The following EBF1 variants were observed in gnomAD, a reference collection of about 807,000 sequenced individuals.
The protein encoded by EBF1 is EBF transcription factor 1.
Under a neutral mutation model 68.4 loss-of-function variants are expected in EBF1, and 10 were observed. That is an observed-to-expected ratio of 0.15 (90% CI 0.09 to 0.25). The LOEUF is 0.25. Ranked by LOEUF, EBF1 falls within the 10% of genes least tolerant of loss-of-function variation. The pLI is 1.00. For missense variants in EBF1, 509 were observed against 794.4 expected (o/e 0.64, Z 4.32); for synonymous variants, 298 against 299.8 (o/e 0.99, Z 0.06).
intron 8 of EBF1, among the ~76,000 whole-genome samples, chr5:158,811,877 T>C (rs990056197): frequency 1.3e-5 from 2 of 152,300 alleles, no homozygotes; most frequent in African/African-American, 4.8e-5. Context: ...TATCCCCACG[T>C]GGAATTTTGA....
intron 8 of EBF1, among the ~76,000 whole-genome samples, chr5:158,805,207 CTTCTTCAAGGACTA>C (rs1268039016): frequency 1.3e-5 from 2 of 152,148 alleles, no homozygotes; most frequent in Admixed American, 1.3e-4. Flanking sequence ...TATGCAACTG[CTTCTTCAAGGACTA>C]TTTAAGTCTT....
chr5:158,787,369 A>T (rs968024281), intron 9 of EBF1, among the ~76,000 whole-genome samples: 3 of 152,148 alleles, frequency 2.0e-5, no homozygotes, highest in Non-Finnish European at 4.4e-5. Context: ...TCCACACATG[A>T]TCTTCCTCTA....
At chr5:158,779,200 T>C (rs1775914969) in intron 9 of EBF1, among the ~76,000 whole-genome samples, 1 of 152,150 alleles carries the variant, frequency 6.6e-6, no homozygotes, top group Non-Finnish European at 1.5e-5. Context: ...ATACAAACAC[T>C]AATTTGGTCA....
intron 15 of EBF1, among the ~76,000 whole-genome samples, chr5:158,700,780 C>T (rs750347605): frequency 1.6e-4 from 24 of 152,208 alleles, no homozygotes; most frequent in Non-Finnish European, 2.9e-4. Context: ...TGTTGTTTTG[C>T]AAGAGCCTTT....
intron 8 of EBF1, among the ~76,000 whole-genome samples, chr5:158,810,336 G>A (rs1019590785): frequency 2.0e-5 from 3 of 152,138 alleles, no homozygotes; most frequent in Admixed American, 6.6e-5. Context: ...GTTCAAAAGA[G>A]AAACAGATAA....
chr5:159,052,448 G>A (rs751685828), intron 6 of EBF1, among the ~76,000 whole-genome samples: 7 of 151,936 alleles, frequency 4.6e-5, no homozygotes, highest in Non-Finnish European at 8.8e-5. Flanking sequence ...CTACCTCCCC[G>A]AAGTCTGCTC....
At chr5:159,035,975 C>G (rs1053389527) in intron 6 of EBF1, among the ~76,000 whole-genome samples, 3 of 152,180 alleles carry the variant, frequency 2.0e-5, no homozygotes, top group African/African-American at 7.2e-5. Flanking sequence ...TTCCTGACCC[C>G]CAGTGGTGGG....
At chr5:158,763,617 G>A (rs1171131133) in intron 10 of EBF1, among the ~76,000 whole-genome samples, 1 of 152,150 alleles carries the variant, frequency 6.6e-6, no homozygotes, top group Non-Finnish European at 1.5e-5. Context: ...AAGGAATTAA[G>A]CGTCTATACC....
At chr5:158,794,739 A>G (rs1779313542) in intron 9 of EBF1, among the ~76,000 whole-genome samples, 1 of 152,196 alleles carries the variant, frequency 6.6e-6, no homozygotes, top group Non-Finnish European at 1.5e-5. Flanking sequence ...TACAGCCCAC[A>G]AGACCTGGGA....
Position 158,866,408 on chromosome 5 carries a change from C to T in EBF1, c.555-26298G>A, listed in dbSNP as rs187880582. Among the ~76,000 whole-genome samples, 4 of 152,290 alleles carry T rather than the reference C, an allele frequency of 2.6e-5. No individual in the cohort carries two copies. In the East Asian group the frequency reaches 7.7e-4, roughly 29 times the overall value. The stretch of plus-strand genomic sequence containing the variant: ...CATCATCATTTTTCTCTTGTCACAA[C>T]CCTTCCAGCCTAATATTTGACAGCT... On this transcript the variant is annotated intron_variant, in intron 6 of 15. Coordinates refer to ENST00000313708, the MANE Select transcript of EBF1 (RefSeq NM_024007.5).
At position 158,943,251 on chromosome 5, in the gene EBF1, G is replaced by A. The variant is rs1243933397; in HGVS notation, c.555-103141C>T. Among the ~76,000 whole-genome samples the A allele has an allele frequency of 2.0e-5, 3 of 151,922 alleles. No homozygotes were observed. In the East Asian group the frequency reaches 5.8e-4, roughly 29 times the overall value. On this transcript the variant is annotated intron_variant, in intron 6 of 15. Coordinates refer to ENST00000313708, the MANE Select transcript of EBF1 (RefSeq NM_024007.5). Reference sequence around the variant, plus strand: ...TCATTCTAACTAGACAGTCTTTAGGGAATCTTTAGGGCTAACTTCCAGAGT... The same window carrying A: ...TCATTCTAACTAGACAGTCTTTAGGAAATCTTTAGGGCTAACTTCCAGAGT...
At chr5:158,989,471 A>C (rs565791281) in intron 6 of EBF1, among the ~76,000 whole-genome samples, 2 of 152,298 alleles carry the variant, frequency 1.3e-5, no homozygotes, top group South Asian at 2.1e-4. Flanking sequence ...ACCTCAGACA[A>C]GTGCTTAGTC....
chr5:158,865,814 G>T (rs2128044389), intron 6 of EBF1, among the ~76,000 whole-genome samples: 1 of 152,228 alleles, frequency 6.6e-6, no homozygotes, highest in East Asian at 1.9e-4. Flanking sequence ...ATTACTGCAG[G>T]AATATAACCA....
chr5:158,852,036 TGGGGAGGGGAGGAGA>T (rs1562118793), intron 6 of EBF1, among the ~76,000 whole-genome samples: 1 of 18,554 alleles, frequency 5.4e-5, no homozygotes, highest in Non-Finnish European at 9.1e-5. Context: ...AGGGAAAGGG[TGGGGAGGGGAGGAGA>T]GGGGAGGAGA....
intron 6 of EBF1, among the ~76,000 whole-genome samples, chr5:158,891,916 T>G (rs111659481): frequency 6.6e-6 from 1 of 152,128 alleles, no homozygotes. Flanking sequence ...ATTTATTTAT[T>G]TATTTATTTT....
rs575030467 is a variant in EBF1, at chr5:158,956,191, A to G, written c.555-116081T>C. The stretch of plus-strand genomic sequence containing the variant: ...TCCAGTCCACAGTCTTGTAGTACCA[A>G]GGAGGCTTCTACTTTGGAGCGACAC... On this transcript the variant is annotated intron_variant, in intron 6 of 15. Transcript: ENST00000313708. 2.0e-5 allele frequency among the ~76,000 whole-genome samples: 3 copies of G among 152,210 alleles called. No individual in the cohort carries two copies. In the South Asian group the frequency reaches 6.2e-4, roughly 32 times the overall value.
chr5:158,817,780 T>C (rs1460510364), intron 8 of EBF1, among the ~76,000 whole-genome samples: 1 of 152,186 alleles, frequency 6.6e-6, no homozygotes, highest in Non-Finnish European at 1.5e-5. Flanking sequence ...TCCTCTCTAT[T>C]CACATCATAT....
intron 6 of EBF1, among the ~76,000 whole-genome samples, chr5:158,978,835 C>CACACACACACACAG (rs753714441): frequency 2.0e-5 from 3 of 146,934 alleles, no homozygotes; most frequent in Non-Finnish European, 3.0e-5. Context: ...CACACACACA[C>CACACACACACACAG]AGAGAGAGAG....
In EBF1 at chr5:159,049,826, T is replaced by C. The variant is rs142012619; in HGVS notation, c.554+23570A>G. ...AAAATTATTACATATCACATCGTGT[T>C]CTTGGGAGGGGTGCTTATCTGGTGA... On this transcript the variant is annotated intron_variant, in intron 6 of 15. Coordinates refer to ENST00000313708, the MANE Select transcript of EBF1 (RefSeq NM_024007.5). Among the ~76,000 whole-genome samples, 514 of 152,294 alleles carry C rather than the reference T, an allele frequency of 3.4e-3. 4 individuals carry two copies. The highest frequency in any genetic ancestry group is 0.012 in the African/African-American group (492 of 41,564).
Sources: gnomAD v4.1 joint callset for allele counts (sites outside exome capture counted in the v4.1 genomes callset) on GRCh38, gnomAD v4.1.1 for gene constraint, MANE v1.5 for transcripts, NCBI Gene and HGNC (gene_info 2026-07-23, HGNC 2026-07-21) for gene names.